Variants in VAV3 observed in about 807,000 individuals in gnomAD.
The protein encoded by VAV3 is guanine nucleotide exchange factor VAV3.
VAV3 carries 94 observed loss-of-function variants against 131.2 expected under a neutral mutation model. The observed-to-expected ratio is 0.72, with a 90% CI of 0.61 to 0.85. The LOEUF is 0.85. Among genes scored for constraint, VAV3 ranks in the 40% least tolerant of loss-of-function variants. VAV3 has a pLI of 0.00. For synonymous variants in VAV3, 349 were observed against 342.0 expected, an observed-to-expected ratio of 1.02 and a Z score of -0.22; for missense variants, 939 against 1,002.7, an observed-to-expected ratio of 0.94 and a Z score of 0.86.
At chr1:107,774,681 A>G (rs1045706228) in intron 4 of VAV3, among the ~76,000 whole-genome samples, 15 of 152,156 alleles carry the variant, frequency 9.9e-5, no homozygotes, top group African/African-American at 3.4e-4. Flanking sequence ...TGTAGCCATT[A>G]CCTGCCCTCT....
intron 15 of VAV3, among the ~76,000 whole-genome samples, chr1:107,748,432 G>A (rs1459571374): frequency 6.6e-6 from 1 of 152,008 alleles, no homozygotes; most frequent in Non-Finnish European, 1.5e-5. Context: ...CCTCCTCAGT[G>A]GAACTAAAAG....
At chr1:107,933,658 T>A (rs1215309279) in intron 1 of VAV3, among the ~76,000 whole-genome samples, 1 of 151,322 alleles carries the variant, frequency 6.6e-6, no homozygotes, top group African/African-American at 2.4e-5. Context: ...TACAAAAAAA[T>A]TTAAAAATTA....
At chr1:107,814,009 T>C (rs946165662) in intron 2 of VAV3, among the ~76,000 whole-genome samples, 3 of 150,206 alleles carry the variant, frequency 2.0e-5, no homozygotes, top group Admixed American at 1.3e-4. Flanking sequence ...TGTGTGTGTG[T>C]GTGTGTATAC....
chr1:107,660,842 T>A (rs535955680), intron 19 of VAV3, among the ~76,000 whole-genome samples: 1 of 152,142 alleles, frequency 6.6e-6, no homozygotes. Flanking sequence ...CAAAGCATTA[T>A]GTGTTTTACA....
At chr1:107,746,864 AT>A (rs1663378120) in intron 15 of VAV3, among the ~76,000 whole-genome samples, 1 of 146,844 alleles carries the variant, frequency 6.8e-6, no homozygotes, top group African/African-American at 2.5e-5. Context: ...TGACAATAGT[AT>A]TTATCTTGTC....
chr1:107,764,410 CAT>C (rs1664619914), intron 9 of VAV3, among the ~76,000 whole-genome samples: 1 of 152,372 alleles, frequency 6.6e-6, no homozygotes, highest in African/African-American at 2.4e-5. Context: ...GTGCTTATCA[CAT>C]GTTATTTAAT....
intron 15 of VAV3, among the ~76,000 whole-genome samples, chr1:107,723,810 G>C (rs375421794): frequency 6.1e-4 from 92 of 151,902 alleles, no homozygotes; most frequent in African/African-American, 2.1e-3. Context: ...TTGTAAATTA[G>C]AACAAAAACA....
chr1:107,612,163 C>T (rs1477959368), intron 21 of VAV3, among the ~76,000 whole-genome samples: 2 of 139,494 alleles, frequency 1.4e-5, no homozygotes, highest in Non-Finnish European at 3.1e-5. Context: ...CACATACATA[C>T]AGAAATATTT....
At chr1:107,786,516 A>G (rs1382016170) in intron 2 of VAV3, among the ~76,000 whole-genome samples, 1 of 152,224 alleles carries the variant, frequency 6.6e-6, no homozygotes, top group Non-Finnish European at 1.5e-5. Flanking sequence ...TTTCAGCGTT[A>G]AAGAGGTGAC....
intron 1 of VAV3, among the ~76,000 whole-genome samples, chr1:107,950,141 T>C (rs561477013): frequency 2.0e-5 from 3 of 146,958 alleles, no homozygotes; most frequent in Non-Finnish European, 4.6e-5. Context: ...AAAAAAAAAG[T>C]ACTTCTACTG....
intron 19 of VAV3, among the ~76,000 whole-genome samples, chr1:107,682,497 G>T (rs188097172): frequency 6.6e-6 from 1 of 151,890 alleles, no homozygotes; most frequent in Non-Finnish European, 1.5e-5. Flanking sequence ...CAGAACCCCT[G>T]TTTTTTTAAT....
chr1:107,662,600 G>T (rs1040424818), intron 19 of VAV3, among the ~76,000 whole-genome samples: 1 of 152,082 alleles, frequency 6.6e-6, no homozygotes, highest in African/African-American at 2.4e-5. Context: ...TTTATTCAAG[G>T]CCACTGGTCT....
intron 2 of VAV3, among the ~76,000 whole-genome samples, chr1:107,848,786 C>A (rs1327480886): frequency 6.6e-6 from 1 of 152,182 alleles, no homozygotes; most frequent in African/African-American, 2.4e-5. Context: ...GTCAAATTGT[C>A]TCTGTTTGCA....
intron 2 of VAV3, among the ~76,000 whole-genome samples, chr1:107,790,795 C>A (rs959532070): frequency 7.1e-6 from 1 of 141,406 alleles, no homozygotes; most frequent in Admixed American, 7.7e-5. Context: ...TAAAGCGATT[C>A]TCCTGCCTCA....
At chr1:107,964,185 C>T (rs1307807686) in intron 1 of VAV3, among the ~76,000 whole-genome samples, 1 of 152,154 alleles carries the variant, frequency 6.6e-6, no homozygotes, top group Non-Finnish European at 1.5e-5. Context: ...GATAACGGGA[C>T]CAAACGCCCT....
intron 25 of VAV3, among the ~76,000 whole-genome samples, chr1:107,595,969 T>G (rs1651345574): frequency 6.6e-6 from 1 of 152,158 alleles, no homozygotes; most frequent in South Asian, 2.1e-4. Context: ...AGCATATCTT[T>G]TACGTTTCTG....
chr1:107,721,111 C>A (rs1661469539), intron 15 of VAV3, among the ~76,000 whole-genome samples: 1 of 152,102 alleles, frequency 6.6e-6, no homozygotes, highest in African/African-American at 2.4e-5. Flanking sequence ...ACTGGAGAAT[C>A]CTTTATGGTT....
At chr1:107,594,423 G>A (rs1262161778) in intron 25 of VAV3, among the ~76,000 whole-genome samples, 1 of 151,940 alleles carries the variant, frequency 6.6e-6, no homozygotes, top group Non-Finnish European at 1.5e-5. Context: ...TCAATGAATT[G>A]TTTGCTTTCC....
chr1:107,621,027 C>A (rs12049132), intron 20 of VAV3, among the ~76,000 whole-genome samples: 24,160 of 151,286 alleles, frequency 0.16, 1,932 homozygotes, highest in East Asian at 0.21. Context: ...TATGCCAGAA[C>A]AAATGGTATA....
Sources: gnomAD v4.1 joint callset for allele counts (sites outside exome capture counted in the v4.1 genomes callset) on GRCh38, gnomAD v4.1.1 for gene constraint, MANE v1.5 for transcripts, NCBI Gene and HGNC (gene_info 2026-07-23, HGNC 2026-07-21) for gene names.